Variants in TAMM41 observed in about 807,000 individuals in gnomAD.
The protein encoded by TAMM41 is TAM41 mitochondrial translocator assembly and maintenance homolog.
Under a neutral mutation model 44.1 loss-of-function variants are expected in TAMM41, and 36 were observed. The ratio of observed to expected loss-of-function variants is 0.82; its 90% CI spans 0.63 to 1.08. TAMM41 has a LOEUF of 1.08. TAMM41 is among the 50% of genes least tolerant of loss of function. The pLI, the probability that TAMM41 is intolerant of heterozygous loss-of-function variation, is 0.00. For synonymous variants in TAMM41, 164 were observed against 153.1 expected, an observed-to-expected ratio of 1.07 and a Z score of -0.53; for missense variants, 417 against 404.3, an observed-to-expected ratio of 1.03 and a Z score of -0.27.
At chr3:11,815,257 A>C (rs1255694991) in intron 5 of TAMM41, among the ~76,000 whole-genome samples, 2 of 152,182 alleles carry the variant, frequency 1.3e-5, no homozygotes, top group East Asian at 3.9e-4. Context: ...CGGGGGAGGC[A>C]AAGGGAATTC....
At chr3:11,780,259 A>G in the TAMM41 span, among the ~76,000 whole-genome samples, 13 of 152,214 alleles carry the variant, frequency 8.5e-5, no homozygotes, top group Non-Finnish European at 1.9e-4. Flanking sequence ...ACTCCTGCAC[A>G]GTATATGTCT....
At chr3:11,807,780 TG>T in intron 7 of TAMM41, 52 bp downstream of exon 7, 1 of 1,536,050 alleles carries the variant, frequency 6.5e-7, no homozygotes, top group South Asian at 1.2e-5. Context: ...ACCAAGAGTG[TG>T]GAAGCCACTC....
At position 11,843,911 on chromosome 3, in the gene TAMM41, C is replaced by T. The variant is rs150463152; in HGVS notation, c.318+118G>A. On this transcript the variant is annotated intron_variant, in intron 2 of 7. Transcript: ENST00000455809. Reference sequence around the variant, plus strand: ...AAACATACATATTTCCCGACTATAACAACGTCCAGCAGGAGTGTGAATGTT... The same window carrying T: ...AAACATACATATTTCCCGACTATAATAACGTCCAGCAGGAGTGTGAATGTT... 2,568 of 1,036,448 alleles carry T rather than the reference C, an allele frequency of 2.5e-3. 7 individuals carry two copies. The highest frequency in any genetic ancestry group is 2.6e-3 in the Non-Finnish European group (1,833 of 713,416). The allele number at this position is 1,036,448 out of a possible 1,614,324, so 64.2% of individuals were successfully genotyped here.
chr3:11,816,168 A>T (rs950319970), intron 5 of TAMM41, among the ~76,000 whole-genome samples: 2 of 151,968 alleles, frequency 1.3e-5, no homozygotes, highest in Non-Finnish European at 2.9e-5. Flanking sequence ...TACTATGTGG[A>T]TGGAGAAGAG....
At chr3:11,835,990 CTT>C (rs34707251) in intron 3 of TAMM41, among the ~76,000 whole-genome samples, 20 of 137,832 alleles carry the variant, frequency 1.5e-4, no homozygotes, top group East Asian at 2.1e-4. Flanking sequence ...ATTCCTTTTC[CTT>C]TTTTTTTTTT....
the TAMM41 span, among the ~76,000 whole-genome samples, chr3:11,767,456 A>G: frequency 6.6e-6 from 1 of 151,828 alleles, no homozygotes. Flanking sequence ...TTTTGTGTGG[A>G]TGCATGTTTT....
the TAMM41 span, among the ~76,000 whole-genome samples, chr3:11,729,538 CATTTTTTTTTTTTTTTT>C: frequency 1.3e-3 from 85 of 65,524 alleles, 9 homozygotes; most frequent in African/African-American, 3.4e-3. Context: ...TTCTTTCTTT[CATTTTTTTTTTTTTTTT>C]TTTTTTTTTT....
At chr3:11,745,037 A>G in the TAMM41 span, among the ~76,000 whole-genome samples, 1 of 151,950 alleles carries the variant, frequency 6.6e-6, no homozygotes, top group Non-Finnish European at 1.5e-5. Flanking sequence ...TTAATTTTGT[A>G]TTTTTAGTAG....
the TAMM41 span, among the ~76,000 whole-genome samples, chr3:11,732,689 G>A: frequency 6.6e-6 from 1 of 152,188 alleles, no homozygotes; most frequent in Non-Finnish European, 1.5e-5. Flanking sequence ...CTCTGAGGAG[G>A]TGACATTTGA....
the TAMM41 span, among the ~76,000 whole-genome samples, chr3:11,771,887 T>C: frequency 6.6e-6 from 1 of 151,860 alleles, no homozygotes; most frequent in Admixed American, 6.6e-5. Flanking sequence ...CCGGCCTGTT[T>C]ATTTATTTTT....
chr3:11,754,704 A>ATCTC, the TAMM41 span, among the ~76,000 whole-genome samples: 2,544 of 114,988 alleles, frequency 0.022, 111 homozygotes, highest in African/African-American at 0.068. Context: ...CATTTCTCAG[A>ATCTC]TCTCTTTTTT....
chr3:11,807,780 T>C, intron 7 of TAMM41, 53 bp downstream of exon 7: 1 of 1,536,050 alleles, frequency 6.5e-7, no homozygotes, highest in East Asian at 2.4e-5. Flanking sequence ...ACCAAGAGTG[T>C]GGAAGCCACT....
At chr3:11,725,569 G>A in the TAMM41 span, among the ~76,000 whole-genome samples, 6 of 152,036 alleles carry the variant, frequency 3.9e-5, no homozygotes, top group African/African-American at 1.5e-4. Context: ...CTCCTGAGTA[G>A]CTGGGACTAC....
chr3:11,742,440 G>A, the TAMM41 span, among the ~76,000 whole-genome samples: 24 of 150,312 alleles, frequency 1.6e-4, 3 homozygotes, highest in African/African-American at 6.0e-4. Flanking sequence ...TTGTCGCGGA[G>A]GAATCCTCCA....
At chr3:11,772,651 G>A in the TAMM41 span, among the ~76,000 whole-genome samples, 1 of 152,136 alleles carries the variant, frequency 6.6e-6, no homozygotes, top group Non-Finnish European at 1.5e-5. Flanking sequence ...AAACACATGA[G>A]TGCATGCATC....
chr3:11,801,639 G>C (rs2077757208), intron 7 of TAMM41, among the ~76,000 whole-genome samples: 1 of 151,938 alleles, frequency 6.6e-6, no homozygotes, highest in South Asian at 2.1e-4. Context: ...AAAATTTTTG[G>C]AAACAAATAA....
the TAMM41 span, among the ~76,000 whole-genome samples, chr3:11,760,394 T>C: frequency 1.4e-3 from 207 of 152,312 alleles, no homozygotes; most frequent in African/African-American, 4.9e-3. Context: ...ATAAACTTAG[T>C]TGTTAATAAT....
At chr3:11,753,490 C>T in the TAMM41 span, among the ~76,000 whole-genome samples, 9 of 151,526 alleles carry the variant, frequency 5.9e-5, no homozygotes, top group Non-Finnish European at 8.8e-5. Flanking sequence ...TTTGGGAGGC[C>T]GAGGCATGTG....
intron 5 of TAMM41, 121 bp from the exon 6 acceptor site, chr3:11,809,803 G>A: frequency 1.0e-6 from 1 of 958,188 alleles, no homozygotes; most frequent in South Asian, 1.7e-5. Flanking sequence ...CCCCTGGCGA[G>A]GCAGCAAGCT....
Sources: allele counts gnomAD v4.1 joint callset (sites outside exome capture counted in the v4.1 genomes callset), GRCh38; gene constraint gnomAD v4.1.1; transcripts MANE v1.5; gene names NCBI Gene and HGNC (gene_info 2026-07-23, HGNC 2026-07-21).